Variants in KCNK9 observed in about 807,000 individuals in gnomAD.
KCNK9 encodes potassium two pore domain channel subfamily K member 9.
In KCNK9, 1 loss-of-function variant was observed where a neutral mutation model predicts 10.8. The ratio of observed to expected loss-of-function variants is 0.09; its 90% CI spans 0.03 to 0.44. The LOEUF is 0.44. KCNK9 is among the 20% of genes least tolerant of loss of function. The pLI is 0.97. For synonymous variants in KCNK9, 231 were observed against 222.7 expected (o/e 1.04, Z -0.33); for missense variants, 303 against 515.0 (o/e 0.59, Z 3.98).
intron 1 of KCNK9, among the ~76,000 whole-genome samples, chr8:139,696,824 G>A (rs1817067283): frequency 1.3e-5 from 2 of 150,230 alleles, no homozygotes; most frequent in African/African-American, 4.9e-5. Flanking sequence ...TTGGTGGGTG[G>A]ATGGGTGGAT....
intron 1 of KCNK9, among the ~76,000 whole-genome samples, chr8:139,677,512 C>T (rs908362204): frequency 3.3e-5 from 5 of 151,276 alleles, no homozygotes; most frequent in African/African-American, 1.2e-4. Context: ...AACACAATTC[C>T]TCTAAATGCC....
intron 1 of KCNK9, among the ~76,000 whole-genome samples, chr8:139,624,703 C>T (rs899266671): frequency 6.6e-6 from 1 of 152,188 alleles, no homozygotes; most frequent in African/African-American, 2.4e-5. Context: ...TCTGGAGCAT[C>T]CTAGGTCACC....
intron 1 of KCNK9, among the ~76,000 whole-genome samples, chr8:139,627,432 G>A (rs1020019552): frequency 1.3e-5 from 2 of 152,178 alleles, no homozygotes; most frequent in African/African-American, 2.4e-5. Context: ...CAAAGGCTTC[G>A]GCTTTTTCCT....
chr8:139,656,155 G>A (rs1816014031), intron 1 of KCNK9, among the ~76,000 whole-genome samples: 1 of 152,160 alleles, frequency 6.6e-6, no homozygotes, highest in South Asian at 2.1e-4. Context: ...GATGCCCCCA[G>A]GTGCAGGTAA....
At chr8:139,656,692 G>T (rs912078531) in intron 1 of KCNK9, among the ~76,000 whole-genome samples, 1 of 152,182 alleles carries the variant, frequency 6.6e-6, no homozygotes, top group Non-Finnish European at 1.5e-5. Context: ...TACCACAAAT[G>T]CTTCTTCAAT....
intron 1 of KCNK9, among the ~76,000 whole-genome samples, chr8:139,660,307 C>T (rs371041236): frequency 1.3e-5 from 2 of 152,008 alleles, no homozygotes; most frequent in East Asian, 3.9e-4. Context: ...CCATACGATG[C>T]ATTAAAAATA....
intron 1 of KCNK9, among the ~76,000 whole-genome samples, chr8:139,651,570 A>G (rs1038390998): frequency 6.6e-6 from 1 of 152,130 alleles, no homozygotes; most frequent in Non-Finnish European, 1.5e-5. Flanking sequence ...TGCAACAACT[A>G]TTGTGCTAGA....
At chr8:139,645,062 C>A (rs73358052) in intron 1 of KCNK9, among the ~76,000 whole-genome samples, 1 of 152,270 alleles carries the variant, frequency 6.6e-6, no homozygotes, top group East Asian at 1.9e-4. Flanking sequence ...GCTTCCCTCC[C>A]GCACCGTGTA....
chr8:139,694,168 G>A (rs997710185), intron 1 of KCNK9, among the ~76,000 whole-genome samples: 3 of 152,168 alleles, frequency 2.0e-5, no homozygotes, highest in Non-Finnish European at 4.4e-5. Flanking sequence ...CAGCAGAAAG[G>A]GGGTGGTGGG....
intron 1 of KCNK9, among the ~76,000 whole-genome samples, chr8:139,687,605 CAT>C (rs1816840668): frequency 2.3e-4 from 9 of 38,590 alleles, no homozygotes; most frequent in Non-Finnish European, 3.9e-4. Context: ...CATATGTATA[CAT>C]ATGTATACAT....
chr8:139,643,782 C>T (rs1237672744), intron 1 of KCNK9, among the ~76,000 whole-genome samples: 2 of 152,244 alleles, frequency 1.3e-5, no homozygotes, highest in Admixed American at 6.5e-5. Context: ...GACCCCTGGC[C>T]AAAGCCTCTT....
chr8:139,683,617 C>A (rs763844712), intron 1 of KCNK9, among the ~76,000 whole-genome samples: 6 of 152,204 alleles, frequency 3.9e-5, no homozygotes, highest in Non-Finnish European at 8.8e-5. Flanking sequence ...TTGGAGTTGA[C>A]CACGGGTTAC....
chr8:139,641,186 C>T (rs941345683), intron 1 of KCNK9, among the ~76,000 whole-genome samples: 6 of 152,138 alleles, frequency 3.9e-5, no homozygotes, highest in African/African-American at 9.7e-5. Flanking sequence ...TTGGGGGTAG[C>T]GGTGTGTGCT....
At chr8:139,663,846 T>A (rs1444498685) in intron 1 of KCNK9, among the ~76,000 whole-genome samples, 2 of 152,158 alleles carry the variant, frequency 1.3e-5, no homozygotes, top group Non-Finnish European at 2.9e-5. Flanking sequence ...GCTGTCGCTT[T>A]GCACCACTGA....
chr8:139,701,375 C>T (rs990384091), intron 1 of KCNK9, among the ~76,000 whole-genome samples: 5 of 152,156 alleles, frequency 3.3e-5, no homozygotes, highest in Admixed American at 6.5e-5. Context: ...TATTTTCAAC[C>T]AAGAAGGAAA....
intron 1 of KCNK9, among the ~76,000 whole-genome samples, chr8:139,690,305 C>T (rs1816911507): frequency 6.6e-6 from 1 of 152,074 alleles, no homozygotes; most frequent in Non-Finnish European, 1.5e-5. Context: ...ATATCTATCT[C>T]ATAGGATTGT....
chr8:139,656,302 G>A (rs1340912510), intron 1 of KCNK9, among the ~76,000 whole-genome samples: 3 of 152,140 alleles, frequency 2.0e-5, no homozygotes, highest in African/African-American at 4.8e-5. Context: ...ATCCAGCTGG[G>A]GCTCAGCCTG....
In KCNK9 at chr8:139,702,717, G is replaced by A; in HGVS notation, c.276C>T (p.Thr92=). 1 of 1,609,532 alleles carries A rather than the reference G, an allele frequency of 6.2e-7. No homozygotes were observed. The highest frequency in any genetic ancestry group is 8.5e-7 in the Non-Finnish European group (1 of 1,179,134). Residue 92 remains threonine, a synonymous_variant, in exon 1 of 2, where the codon ACC becomes ACT. Coordinates refer to ENST00000520439, the MANE Select transcript of KCNK9 (RefSeq NM_001282534.2). The surrounding 1 kb of genome is among the most constrained non-coding windows in gnomAD (Gnocchi z 7.5). ...GGCGCGCCCAGCCCTTACCTATGGT[G>A]GTGATGACCGTGATCGCAAAGTAGA... The part of the protein sequence containing the change: ...GSFYFAITVI[T]TIGYGHAAPG...
intron 1 of KCNK9, among the ~76,000 whole-genome samples, chr8:139,674,325 C>T (rs1816501280): frequency 6.6e-6 from 1 of 152,224 alleles, no homozygotes; most frequent in Admixed American, 6.5e-5. Flanking sequence ...GAAGCTGGCT[C>T]CCCAGAACCG....
Sources: allele counts gnomAD v4.1 joint callset (sites outside exome capture counted in the v4.1 genomes callset), GRCh38; gene constraint gnomAD v4.1.1; non-coding constraint Gnocchi (gnomAD v3.1); transcripts MANE v1.5; gene names NCBI Gene and HGNC (gene_info 2026-07-23, HGNC 2026-07-21).